The following ZFPM2 variants were observed in gnomAD, a reference collection of about 807,000 sequenced individuals.
ZFPM2 encodes the protein zinc finger protein ZFPM2.
In ZFPM2, 20 loss-of-function variants were observed where a neutral mutation model predicts 98.6. The ratio of observed to expected loss-of-function variants is 0.20; its 90% CI spans 0.14 to 0.29. ZFPM2 has a LOEUF of 0.29. Ranked by LOEUF, ZFPM2 falls within the 10% of genes least tolerant of loss-of-function variation. The pLI is 1.00. For synonymous variants in ZFPM2, 518 were observed against 502.7 expected, an observed-to-expected ratio of 1.03 and a Z score of -0.41; for missense variants, 1,310 against 1,388.6, an observed-to-expected ratio of 0.94 and a Z score of 0.90.
intron 2 of ZFPM2, among the ~76,000 whole-genome samples, chr8:105,430,286 C>A (rs928261869): frequency 6.6e-6 from 1 of 152,116 alleles, no homozygotes; most frequent in African/African-American, 2.4e-5. Flanking sequence ...TGGTCCCCAC[C>A]AAGCCTGAAT....
intron 6 of ZFPM2, 165 bp downstream of exon 6, chr8:105,789,089 CTTT>C (rs890257501): frequency 1.2e-5 from 6 of 494,288 alleles, no homozygotes; most frequent in African/African-American, 1.2e-4. Flanking sequence ...AATGATGTTA[CTTT>C]TTTTTTTTAT....
chr8:105,703,104 T>C (rs1811176792), intron 5 of ZFPM2, among the ~76,000 whole-genome samples: 1 of 152,138 alleles, frequency 6.6e-6, no homozygotes, highest in African/African-American at 2.4e-5. Flanking sequence ...GAGAAGGTTC[T>C]AGACCAAGGA....
intron 5 of ZFPM2, among the ~76,000 whole-genome samples, chr8:105,745,274 G>T (rs1812316358): frequency 6.6e-6 from 1 of 152,044 alleles, no homozygotes; most frequent in African/African-American, 2.4e-5. Context: ...AATGTTTGTT[G>T]AATTGAATTG....
chr8:105,334,537 T>A (rs1037108696), intron 1 of ZFPM2, among the ~76,000 whole-genome samples: 2 of 151,654 alleles, frequency 1.3e-5, no homozygotes, highest in Non-Finnish European at 3.0e-5. Flanking sequence ...GCAGCATAGG[T>A]CATGGGTGTA....
At position 105,634,357 on chromosome 8, in the gene ZFPM2, G is replaced by C; in HGVS notation, c.532G>C (p.Gly178Arg). The change falls in exon 5 of 8, where the codon GGG (glycine) becomes CGG (arginine). Residue 178 changes from glycine to arginine, a missense_variant and splice_region_variant. By Grantham distance (125) the Gly-to-Arg change is moderately radical. Coordinates refer to ENST00000407775, the MANE Select transcript of ZFPM2 (RefSeq NM_012082.4). ...NKNNCIVYSK[G>R]GQLWCTTTKA... ...AAACAACTGCATTGTGTACAGCAAAGGTAAATGCAAGATTGTTTCCCTCTC... is the reference window on the plus strand; with the variant it reads ...AAACAACTGCATTGTGTACAGCAAACGTAAATGCAAGATTGTTTCCCTCTC... The C allele has an allele frequency of 6.2e-7, 1 of 1,607,956 alleles. No individual in the cohort carries two copies. Among genetic ancestry groups the C allele is most frequent in the Non-Finnish European group, 8.5e-7 (1 of 1,176,714 alleles).
chr8:105,485,676 A>G lies in ZFPM2; in HGVS notation c.301+41295A>G, dbSNP rs545177950. On this transcript the variant is annotated intron_variant, in intron 3 of 7. Transcript: ENST00000407775. ...TGAGAAGAGGGAAGAGCAACTATAG[A>G]CTCTAAAAGAAGCTGTAGGACTTTG... Among the ~76,000 whole-genome samples, 13 of 152,228 alleles carry G rather than the reference A, an allele frequency of 8.5e-5. No homozygotes were observed. In the Middle Eastern group the frequency reaches 0.01, roughly 119 times the overall value.
At chr8:105,606,616 A>G (rs1312271213) in intron 4 of ZFPM2, among the ~76,000 whole-genome samples, 2 of 152,126 alleles carry the variant, frequency 1.3e-5, no homozygotes, top group Admixed American at 6.6e-5. Flanking sequence ...CAAGCACTCC[A>G]TAAATACTAA....
intron 5 of ZFPM2, among the ~76,000 whole-genome samples, chr8:105,651,524 A>G (rs1280066039): frequency 1.3e-5 from 2 of 151,680 alleles, no homozygotes; most frequent in Admixed American, 6.6e-5. Flanking sequence ...CTTGGACATC[A>G]TATTTCCTTT....
At chr8:105,468,792 C>A (rs1812842245) in intron 3 of ZFPM2, among the ~76,000 whole-genome samples, 1 of 152,146 alleles carries the variant, frequency 6.6e-6, no homozygotes, top group Non-Finnish European at 1.5e-5. Context: ...AAATCATACT[C>A]CTTTTTGTTG....
At chr8:105,465,737 T>G (rs1021958285) in intron 3 of ZFPM2, among the ~76,000 whole-genome samples, 3 of 151,996 alleles carry the variant, frequency 2.0e-5, no homozygotes, top group Admixed American at 2.0e-4. Context: ...GTGCCTGGTA[T>G]TTCTTATACA....
At chr8:105,405,373 G>A (rs1811426415) in intron 1 of ZFPM2, among the ~76,000 whole-genome samples, 1 of 151,652 alleles carries the variant, frequency 6.6e-6, no homozygotes, top group Admixed American at 6.6e-5. Context: ...TTGGTGTGCT[G>A]CACCCATTAA....
chr8:105,334,946 A>G (rs180995831), intron 1 of ZFPM2, among the ~76,000 whole-genome samples: 3 of 151,860 alleles, frequency 2.0e-5, no homozygotes, highest in East Asian at 1.9e-4. Context: ...GAAGGAGTAC[A>G]TGGAGAGACC....
At chr8:105,620,927 C>T (rs554145788) in intron 4 of ZFPM2, among the ~76,000 whole-genome samples, 22 of 152,050 alleles carry the variant, frequency 1.4e-4, no homozygotes, top group East Asian at 9.7e-4. Context: ...CTGTTTTGGT[C>T]GCTGTAGCCT....
intron 4 of ZFPM2, among the ~76,000 whole-genome samples, chr8:105,590,283 C>T (rs947785356): frequency 1.3e-5 from 2 of 152,156 alleles, no homozygotes; most frequent in Admixed American, 1.3e-4. Context: ...AAGAAACGCC[C>T]TCTAATGTGT....
chr8:105,595,561 A>C (rs1815951667), intron 4 of ZFPM2, among the ~76,000 whole-genome samples: 1 of 152,174 alleles, frequency 6.6e-6, no homozygotes. Flanking sequence ...TCCAGGCAGA[A>C]GTAATAATAT....
intron 4 of ZFPM2, among the ~76,000 whole-genome samples, chr8:105,576,131 C>CTG (rs1331669319): frequency 6.6e-6 from 1 of 152,100 alleles, no homozygotes; most frequent in African/African-American, 2.4e-5. Context: ...ACAGCTAAAG[C>CTG]TCCAGCAAAA....
At chr8:105,737,003 A>C (rs1163360135) in intron 5 of ZFPM2, among the ~76,000 whole-genome samples, 1 of 152,000 alleles carries the variant, frequency 6.6e-6, no homozygotes, top group Non-Finnish European at 1.5e-5. Flanking sequence ...CAAAATTCTT[A>C]ATTCATTCAG....
At chr8:105,339,865 G>A (rs1344787619) in intron 1 of ZFPM2, among the ~76,000 whole-genome samples, 3 of 151,868 alleles carry the variant, frequency 2.0e-5, no homozygotes, top group Admixed American at 6.6e-5. Context: ...GAGCTTTAAA[G>A]CAGCAAAATT....
At chr8:105,336,696 A>G (rs866178491) in intron 1 of ZFPM2, among the ~76,000 whole-genome samples, 2 of 144,562 alleles carry the variant, frequency 1.4e-5, no homozygotes, top group African/African-American at 5.3e-5. Flanking sequence ...CTCCACACAC[A>G]CACACACACA....
Sources: allele counts gnomAD v4.1 joint callset (sites outside exome capture counted in the v4.1 genomes callset), GRCh38; gene constraint gnomAD v4.1.1; transcripts MANE v1.5; gene names NCBI Gene and HGNC (gene_info 2026-07-23, HGNC 2026-07-21).